Variants in VWA8 observed in about 807,000 individuals in gnomAD.
VWA8 encodes von Willebrand factor A domain containing 8, also known as von Willebrand factor A domain-containing protein 8.
Under a neutral mutation model 241.5 loss-of-function variants are expected in VWA8, and 221 were observed. That is an observed-to-expected ratio of 0.91 (90% CI 0.82 to 1.02). The LOEUF (loss-of-function observed/expected upper bound fraction) is 1.02, where lower values mean the gene tolerates loss of function less well. VWA8 is among the 50% of genes least tolerant of loss of function. VWA8 has a pLI of 0.00. For missense variants in VWA8, 2,322 were observed against 2,328.7 expected, an observed-to-expected ratio of 1.00 and a Z score of 0.06; for synonymous variants, 852 against 827.1, an observed-to-expected ratio of 1.03 and a Z score of -0.52.
At chr13:41,666,269 C>A (rs535481111) in intron 37 of VWA8, among the ~76,000 whole-genome samples, 246 of 152,254 alleles carry the variant, frequency 1.6e-3, no homozygotes, top group African/African-American at 5.1e-3. Flanking sequence ...ATTTCTGGTT[C>A]AAGAAGAGTA....
At chr13:41,801,965 T>C (rs1447768850) in intron 17 of VWA8, among the ~76,000 whole-genome samples, 1 of 152,208 alleles carries the variant, frequency 6.6e-6, no homozygotes. Flanking sequence ...TAGACCAAGA[T>C]GGCTGAATAG....
At chr13:41,772,452 C>CA (rs1478460223) in intron 20 of VWA8, among the ~76,000 whole-genome samples, 3 of 80,400 alleles carry the variant, frequency 3.7e-5, no homozygotes, top group African/African-American at 9.1e-5. Flanking sequence ...AAAAACAAAA[C>CA]AAAACAAACA....
chr13:41,699,538 C>T (rs985645814), intron 28 of VWA8, among the ~76,000 whole-genome samples: 3 of 152,160 alleles, frequency 2.0e-5, no homozygotes, highest in Non-Finnish European at 4.4e-5. Flanking sequence ...TGTGATAAAA[C>T]CATTAAATAT....
At chr13:41,879,210 C>T (rs1325820526) in intron 9 of VWA8, among the ~76,000 whole-genome samples, 1 of 152,202 alleles carries the variant, frequency 6.6e-6, no homozygotes, top group Admixed American at 6.5e-5. Context: ...CTGGAATAAA[C>T]CTTGAAGTGA....
intron 24 of VWA8, among the ~76,000 whole-genome samples, chr13:41,723,217 T>C (rs1158125830): frequency 6.6e-6 from 1 of 152,182 alleles, no homozygotes. Flanking sequence ...AAGCTCTGGG[T>C]TCCTCTTCTA....
chr13:41,596,129 T>C (rs2044486619), intron 40 of VWA8, among the ~76,000 whole-genome samples: 1 of 152,208 alleles, frequency 6.6e-6, no homozygotes. Context: ...CCAGTAGTTT[T>C]TGTTCTTGAG....
intron 12 of VWA8, among the ~76,000 whole-genome samples, chr13:41,845,881 T>C (rs1002148944): frequency 1.3e-5 from 2 of 152,144 alleles, no homozygotes. Context: ...TGTTGGGTAC[T>C]ATGCTACCTG....
intron 37 of VWA8, among the ~76,000 whole-genome samples, chr13:41,665,770 G>A (rs548168291): frequency 1.3e-5 from 2 of 151,786 alleles, no homozygotes; most frequent in Non-Finnish European, 2.9e-5. Flanking sequence ...TCATATTGTT[G>A]AACAATATGC....
chr13:41,660,227 T>C lies in VWA8; in HGVS notation c.4611+10719A>G, dbSNP rs191159197. Among the ~76,000 whole-genome samples the C allele has an allele frequency of 5.3e-5, 8 of 152,302 alleles. No individual in the cohort carries two copies. The East Asian group carries it at 1.5e-3, about 29-fold the overall frequency. On this transcript the variant is annotated intron_variant, in intron 37 of 44. Transcript: ENST00000379310. ...GCCTCCCAGGTTCAAGTGAACTTTG[T>C]GCCTCAGCCTCCTGAGTAGCTGGAA...
chr13:41,710,141 G>A (rs2045307441), intron 26 of VWA8, among the ~76,000 whole-genome samples: 1 of 151,928 alleles, frequency 6.6e-6, no homozygotes, highest in Non-Finnish European at 1.5e-5. Context: ...TCATCTCAAC[G>A]GCAATTTGCA....
chr13:41,923,987 C>T (rs1036391125), intron 2 of VWA8, among the ~76,000 whole-genome samples: 2 of 152,030 alleles, frequency 1.3e-5, no homozygotes, highest in Non-Finnish European at 2.9e-5. Flanking sequence ...CACACACAAA[C>T]ACACACAAAT....
chr13:41,938,192 C>T (rs1482785374), intron 2 of VWA8, among the ~76,000 whole-genome samples: 2 of 150,706 alleles, frequency 1.3e-5, no homozygotes, highest in South Asian at 2.1e-4. Flanking sequence ...TAAAATGCAT[C>T]AAAAATATTG....
intron 37 of VWA8, among the ~76,000 whole-genome samples, chr13:41,664,082 C>CT (rs1432517686): frequency 1.3e-5 from 2 of 151,750 alleles, no homozygotes; most frequent in Non-Finnish European, 2.9e-5. Flanking sequence ...GGTTTACTCC[C>CT]TTTTTTTAGC....
chr13:41,697,687 G>C (rs1187596890), intron 29 of VWA8, among the ~76,000 whole-genome samples: 2 of 152,174 alleles, frequency 1.3e-5, no homozygotes, highest in African/African-American at 2.4e-5. Context: ...GATCTGACAG[G>C]AGGTGGAGCT....
At chr13:41,745,469 G>A (rs983201474) in intron 21 of VWA8, among the ~76,000 whole-genome samples, 1 of 151,998 alleles carries the variant, frequency 6.6e-6, no homozygotes, top group Non-Finnish European at 1.5e-5. Context: ...CTGACAAAGG[G>A]CTAATATCCA....
chr13:41,814,469 A>C (rs1292241549), intron 16 of VWA8, among the ~76,000 whole-genome samples: 1 of 152,170 alleles, frequency 6.6e-6, no homozygotes, highest in Non-Finnish European at 1.5e-5. Flanking sequence ...GGTATTAGAA[A>C]ATAGCAAGAA....
At chr13:41,605,954 C>T (rs1242518985) in intron 39 of VWA8, among the ~76,000 whole-genome samples, 1 of 152,086 alleles carries the variant, frequency 6.6e-6, no homozygotes, top group Non-Finnish European at 1.5e-5. Context: ...ACTGAAGCCC[C>T]ACCAGCACAC....
intron 9 of VWA8, among the ~76,000 whole-genome samples, chr13:41,869,457 A>C (rs1478478009): frequency 6.6e-6 from 1 of 151,828 alleles, no homozygotes; most frequent in Non-Finnish European, 1.5e-5. Context: ...AACATGGTGA[A>C]ACCCTGTCTA....
At position 41,961,103 on chromosome 13, in the gene VWA8, G is replaced by T. The variant is rs1419751137; in HGVS notation, c.-88C>A. The T allele has an allele frequency of 8.0e-7, 1 of 1,247,866 alleles. No individual in the cohort carries two copies. Among genetic ancestry groups the T allele is most frequent in the Non-Finnish European group, 1.0e-6 (1 of 966,956 alleles). The allele number at this position is 1,247,866 out of a possible 1,614,324, so 77.3% of individuals were successfully genotyped here. A position where few individuals can be genotyped will look rare whatever the true frequency, so the allele number is the denominator to read the frequency against. On this transcript the variant is annotated 5_prime_UTR_variant, in exon 1 of 45. Transcript: ENST00000379310. ...GCACCGTGAGGCAGCGCGGAGAAGGGGACAGGAAGCGGCACCTAGCCGAGT... is the reference window on the plus strand; with the variant it reads ...GCACCGTGAGGCAGCGCGGAGAAGGTGACAGGAAGCGGCACCTAGCCGAGT...
Sources: allele counts gnomAD v4.1 joint callset (sites outside exome capture counted in the v4.1 genomes callset), GRCh38; gene constraint gnomAD v4.1.1; transcripts MANE v1.5; gene names NCBI Gene and HGNC (gene_info 2026-07-23, HGNC 2026-07-21).